Variants in PLCB1 observed in about 807,000 individuals in gnomAD.
PLCB1 encodes the protein phospholipase C beta 1.
Under a neutral mutation model 161.8 loss-of-function variants are expected in PLCB1, and 46 were observed. That is an observed-to-expected ratio of 0.28 (90% confidence interval 0.22 to 0.36). The LOEUF is 0.36. Ranked by LOEUF, PLCB1 falls within the 10% of genes least tolerant of loss-of-function variation. PLCB1 has a pLI of 1.00. For missense variants in PLCB1, 1,016 were observed against 1,472.5 expected (o/e 0.69, Z 5.07); for synonymous variants, 517 against 503.7 (o/e 1.03, Z -0.35).
At chr20:8,424,120 A>C (rs867311154) in intron 3 of PLCB1, among the ~76,000 whole-genome samples, 10 of 152,194 alleles carry the variant, frequency 6.6e-5, no homozygotes, top group Middle Eastern at 3.4e-3. Context: ...ATTCTCAAAA[A>C]CCTGACACAC....
chr20:8,438,685 C>T (rs775482378), intron 3 of PLCB1, among the ~76,000 whole-genome samples: 1 of 152,122 alleles, frequency 6.6e-6, no homozygotes, highest in African/African-American at 2.4e-5. Flanking sequence ...CCAAGTACCC[C>T]CTAGCTTTGC....
intron 25 of PLCB1, among the ~76,000 whole-genome samples, chr20:8,764,650 A>G (rs1484960634): frequency 6.6e-6 from 1 of 152,132 alleles, no homozygotes; most frequent in East Asian, 1.9e-4. Context: ...GCCTCCCTGC[A>G]CTGAATGTTC....
chr20:8,695,837 CA>C (rs1361162973), intron 10 of PLCB1, among the ~76,000 whole-genome samples: 2 of 152,174 alleles, frequency 1.3e-5, no homozygotes, highest in Non-Finnish European at 2.9e-5. Context: ...ATTACTCTTT[CA>C]AAAATAGTTT....
chr20:8,638,107 G>T (rs1988822544), intron 4 of PLCB1, among the ~76,000 whole-genome samples: 1 of 152,174 alleles, frequency 6.6e-6, no homozygotes, highest in African/African-American at 2.4e-5. Context: ...TGTTAGCCAA[G>T]ATGGTCTCGA....
chr20:8,277,913 G>A (rs1982660070), intron 2 of PLCB1, among the ~76,000 whole-genome samples: 1 of 152,088 alleles, frequency 6.6e-6, no homozygotes, highest in Non-Finnish European at 1.5e-5. Flanking sequence ...AGGAATGCAG[G>A]GGGTATAATC....
At chr20:8,402,386 CTTACAG>C (rs1555803890) in intron 3 of PLCB1, among the ~76,000 whole-genome samples, 2 of 152,034 alleles carry the variant, frequency 1.3e-5, no homozygotes, top group Non-Finnish European at 1.5e-5. Context: ...TCATATAGAT[CTTACAG>C]TTAAAGTTAA....
At chr20:8,307,234 G>A (rs555463730) in intron 2 of PLCB1, among the ~76,000 whole-genome samples, 6 of 152,184 alleles carry the variant, frequency 3.9e-5, no homozygotes, top group Non-Finnish European at 8.8e-5. Flanking sequence ...GTGGGTGCAG[G>A]CAGGGCATTC....
chr20:8,543,273 G>A (rs891564566), intron 3 of PLCB1, among the ~76,000 whole-genome samples: 2 of 152,152 alleles, frequency 1.3e-5, no homozygotes, highest in African/African-American at 4.8e-5. Flanking sequence ...GATATGTGGA[G>A]GTCAAATGCC....
chr20:8,583,215 T>C (rs1371624150), intron 3 of PLCB1, among the ~76,000 whole-genome samples: 1 of 151,624 alleles, frequency 6.6e-6, no homozygotes, highest in Non-Finnish European at 1.5e-5. Context: ...GAATGAGGAG[T>C]TTTTGTTTAA....
At chr20:8,179,272 A>C (rs1231477896) in intron 2 of PLCB1, among the ~76,000 whole-genome samples, 1 of 152,130 alleles carries the variant, frequency 6.6e-6, no homozygotes, top group Non-Finnish European at 1.5e-5. Context: ...TAAGCGTGGA[A>C]TATATTTCTA....
At chr20:8,646,665 A>T (rs982791934) in intron 5 of PLCB1, among the ~76,000 whole-genome samples, 2 of 152,354 alleles carry the variant, frequency 1.3e-5, no homozygotes, top group South Asian at 4.1e-4. Context: ...AGATGATCCC[A>T]GCAAGTATTA....
chr20:8,438,164 A>T (rs1158140151), intron 3 of PLCB1, among the ~76,000 whole-genome samples: 1 of 152,160 alleles, frequency 6.6e-6, no homozygotes, highest in East Asian at 1.9e-4. Context: ...TATAAATGAC[A>T]TTTCCAATTA....
chr20:8,232,292 G>A (rs1980095180), intron 2 of PLCB1, among the ~76,000 whole-genome samples: 1 of 151,918 alleles, frequency 6.6e-6, no homozygotes. Context: ...TCTACATCTG[G>A]ACACTTTCCT....
At chr20:8,787,231 C>T (rs1329562489) in intron 27 of PLCB1, among the ~76,000 whole-genome samples, 1 of 152,168 alleles carries the variant, frequency 6.6e-6, no homozygotes, top group Non-Finnish European at 1.5e-5. Flanking sequence ...GTGTGCTTCC[C>T]ACCTTGCAGA....
At chr20:8,762,957 C>T (rs551583654) in intron 25 of PLCB1, among the ~76,000 whole-genome samples, 4 of 152,112 alleles carry the variant, frequency 2.6e-5, no homozygotes, top group East Asian at 1.9e-4. Context: ...AGAAGCAGGA[C>T]ATTCAATTCA....
intron 3 of PLCB1, among the ~76,000 whole-genome samples, chr20:8,588,664 C>T (rs372732538): frequency 2.0e-5 from 3 of 152,116 alleles, no homozygotes; most frequent in African/African-American, 7.2e-5. Flanking sequence ...CAGCTATCTG[C>T]AGAACAAGGA....
chr20:8,605,607 TTTC>T (rs1223577644), intron 3 of PLCB1, among the ~76,000 whole-genome samples: 9 of 149,234 alleles, frequency 6.0e-5, no homozygotes, highest in African/African-American at 2.2e-4. Context: ...TGTTTGGTGT[TTTC>T]TTTTTTTTTT....
intron 9 of PLCB1, among the ~76,000 whole-genome samples, chr20:8,677,980 A>G (rs994903536): frequency 1.3e-5 from 2 of 152,226 alleles, no homozygotes; most frequent in African/African-American, 2.4e-5. Context: ...ACAGAAATTA[A>G]TCAATCTAGA....
At chr20:8,398,417 C>G (rs533296002) in intron 3 of PLCB1, among the ~76,000 whole-genome samples, 1 of 152,118 alleles carries the variant, frequency 6.6e-6, no homozygotes, top group Non-Finnish European at 1.5e-5. Flanking sequence ...TTACCATAGA[C>G]TGGTGGCTGA....
Sources: allele counts gnomAD v4.1 joint callset (sites outside exome capture counted in the v4.1 genomes callset), GRCh38; gene constraint gnomAD v4.1.1; transcripts MANE v1.5; gene names NCBI Gene and HGNC (gene_info 2026-07-23, HGNC 2026-07-21).